SPTBN1: variants seen among roughly 807,000 people sequenced by gnomAD.
The protein encoded by SPTBN1 is spectrin beta chain, non-erythrocytic 1.
Under a neutral mutation model 266.4 loss-of-function variants are expected in SPTBN1, and 32 were observed. That is an observed-to-expected ratio of 0.12 (90% CI 0.09 to 0.16). SPTBN1 has a LOEUF of 0.16. SPTBN1 is among the 10% of genes least tolerant of loss of function. SPTBN1 has a pLI of 1.00. For missense variants in SPTBN1, 2,296 were observed against 3,067.1 expected, an observed-to-expected ratio of 0.75 and a Z score of 5.94; for synonymous variants, 1,336 against 1,162.2, an observed-to-expected ratio of 1.15 and a Z score of -3.04.
intron 2 of SPTBN1, among the ~76,000 whole-genome samples, chr2:54,596,359 G>T (rs1442977590): frequency 6.6e-6 from 1 of 152,212 alleles, no homozygotes; most frequent in Non-Finnish European, 1.5e-5. Flanking sequence ...TTTCCCCTCT[G>T]TCTCCCTCCT....
At chr2:54,493,941 C>G (rs1668824767) in intron 1 of SPTBN1, among the ~76,000 whole-genome samples, 1 of 152,170 alleles carries the variant, frequency 6.6e-6, no homozygotes, top group Non-Finnish European at 1.5e-5. Flanking sequence ...GTGGGTTACT[C>G]TCTTTACTTG....
chr2:54,624,646 T>A (rs180855267), intron 10 of SPTBN1, among the ~76,000 whole-genome samples, 158 bp from the exon 11 acceptor site: 1 of 152,202 alleles, frequency 6.6e-6, no homozygotes, highest in African/African-American at 2.4e-5. Flanking sequence ...CCCGTTTTTT[T>A]CCTCAAGGCT....
chr2:54,530,353 C>CTTTTTTTTTTTTTTTTGT (rs1671146445), intron 2 of SPTBN1, among the ~76,000 whole-genome samples: 1 of 73,882 alleles, frequency 1.4e-5, no homozygotes. Context: ...TTGTAAAAAA[C>CTTTTTTTTTTTTTTTTGT]TTTTTTTTTT....
At chr2:54,658,924 C>T (rs187954589) in intron 30 of SPTBN1, among the ~76,000 whole-genome samples, 2 of 152,296 alleles carry the variant, frequency 1.3e-5, no homozygotes, top group Admixed American at 6.5e-5. Flanking sequence ...GTCCTACAAA[C>T]AACTCACAGG....
At chr2:54,543,418 C>A (rs1172594514) in intron 2 of SPTBN1, among the ~76,000 whole-genome samples, 1 of 152,108 alleles carries the variant, frequency 6.6e-6, no homozygotes, top group Non-Finnish European at 1.5e-5. Context: ...ATATTGCATT[C>A]ATGCAAGGGA....
At chr2:54,507,676 G>T (rs1228259216) in intron 1 of SPTBN1, among the ~76,000 whole-genome samples, 2 of 152,090 alleles carry the variant, frequency 1.3e-5, no homozygotes, top group African/African-American at 4.8e-5. Flanking sequence ...AGGGGGGTTA[G>T]TGTAATTACT....
chr2:54,566,518 T>A (rs1027395065), intron 2 of SPTBN1, among the ~76,000 whole-genome samples: 1 of 152,104 alleles, frequency 6.6e-6, no homozygotes, highest in Non-Finnish European at 1.5e-5. Context: ...ATGTTTAATA[T>A]TCTCTGCTGC....
chr2:54,592,969 T>A (rs2103624827), intron 2 of SPTBN1, among the ~76,000 whole-genome samples: 1 of 152,210 alleles, frequency 6.6e-6, no homozygotes, highest in South Asian at 2.1e-4. Flanking sequence ...CTAGTGAGCT[T>A]AGAGAAAGTA....
intron 2 of SPTBN1, among the ~76,000 whole-genome samples, chr2:54,568,926 G>A (rs1004258998): frequency 1.5e-4 from 23 of 152,162 alleles, no homozygotes; most frequent in African/African-American, 4.3e-4. Flanking sequence ...TTAAATGAAC[G>A]TTCCTGTTCT....
At chr2:54,593,128 G>T (rs1675799930) in intron 2 of SPTBN1, among the ~76,000 whole-genome samples, 1 of 152,106 alleles carries the variant, frequency 6.6e-6, no homozygotes, top group South Asian at 2.1e-4. Context: ...CTCACTTGAG[G>T]GTGGGTTTCT....
intron 2 of SPTBN1, among the ~76,000 whole-genome samples, chr2:54,588,946 T>C (rs1675483951): frequency 6.6e-6 from 1 of 152,216 alleles, no homozygotes; most frequent in African/African-American, 2.4e-5. Context: ...TTTTAACTTT[T>C]GTGGATACAT....
At chr2:54,493,748 C>A (rs1410576607) in intron 1 of SPTBN1, among the ~76,000 whole-genome samples, 1 of 152,170 alleles carries the variant, frequency 6.6e-6, no homozygotes, top group Non-Finnish European at 1.5e-5. Flanking sequence ...AGAAGAGGGT[C>A]CAAGACTAAG....
intron 3 of SPTBN1, among the ~76,000 whole-genome samples, chr2:54,607,439 A>G (rs1288555107): frequency 6.6e-6 from 1 of 152,180 alleles, no homozygotes; most frequent in Non-Finnish European, 1.5e-5. Context: ...CTTGGCCAAC[A>G]TGGTGAAACG....
intron 2 of SPTBN1, among the ~76,000 whole-genome samples, chr2:54,593,779 A>G (rs1482758239): frequency 1.4e-5 from 2 of 140,626 alleles, no homozygotes; most frequent in Admixed American, 1.4e-4. Context: ...GTTAGTTAGG[A>G]TGGTGAGATG....
intron 2 of SPTBN1, among the ~76,000 whole-genome samples, chr2:54,580,307 A>G (rs1332490269): frequency 6.6e-6 from 1 of 152,216 alleles, no homozygotes; most frequent in African/African-American, 2.4e-5. Context: ...TTAAAGGTAG[A>G]ACTAACATAT....
chr2:54,522,701 A>AGAGAGAGAGAGAGAGAGAGAGAGAGAGAG (rs1558802720), intron 1 of SPTBN1, among the ~76,000 whole-genome samples: 5 of 70,192 alleles, frequency 7.1e-5, no homozygotes, highest in East Asian at 4.6e-4. Context: ...GAGAGAGAGA[A>AGAGAGAGAGAGAGAGAGAGAGAGAGAGAG]AGAAAGAAAG....
At chr2:54,462,116 G>C (rs1573196815) in intron 1 of SPTBN1, among the ~76,000 whole-genome samples, 1 of 152,260 alleles carries the variant, frequency 6.6e-6, no homozygotes, top group Middle Eastern at 3.4e-3. Flanking sequence ...TTTCCTCATT[G>C]GAAAAATCAA....
At chr2:54,548,060 A>G (rs76953166) in intron 2 of SPTBN1, among the ~76,000 whole-genome samples, 45,980 of 152,026 alleles carry the variant, frequency 0.3, 8,394 homozygotes, top group East Asian at 0.44. Context: ...GGAGAATGGC[A>G]TGAACCCAGG....
chr2:54,518,112 GC>G (rs1462279417), intron 1 of SPTBN1, among the ~76,000 whole-genome samples: 1 of 152,066 alleles, frequency 6.6e-6, no homozygotes, highest in African/African-American at 2.4e-5. Context: ...ATATTTATGA[GC>G]AGAGAACTCT....
Sources: gnomAD v4.1 joint callset for allele counts (sites outside exome capture counted in the v4.1 genomes callset) on GRCh38, gnomAD v4.1.1 for gene constraint, MANE v1.5 for transcripts, NCBI Gene and HGNC (gene_info 2026-07-23, HGNC 2026-07-21) for gene names.